Variants in C9 observed in about 807,000 individuals in gnomAD.
The protein encoded by C9 is complement component C9.
In C9, 63 loss-of-function variants were observed where a neutral mutation model predicts 65.4. That is an observed-to-expected ratio of 0.96 (90% CI 0.79 to 1.19). The LOEUF is 1.19. Ranked by LOEUF, C9 falls within the 50% of genes most tolerant of loss-of-function variation. The pLI, the probability that C9 is intolerant of heterozygous loss-of-function variation, is 0.00. For missense variants in C9, 744 were observed against 670.1 expected (o/e 1.11, Z -1.22); for synonymous variants, 229 against 227.9 (o/e 1.00, Z -0.04).
chr5:39,333,107 C>T (rs1397130054), intron 4 of C9, among the ~76,000 whole-genome samples: 1 of 152,036 alleles, frequency 6.6e-6, no homozygotes, highest in Non-Finnish European at 1.5e-5. Context: ...AAAATTAGAC[C>T]TATTAATTTG....
At chr5:39,328,463 G>A (rs553664684) in intron 5 of C9, among the ~76,000 whole-genome samples, 1 of 152,270 alleles carries the variant, frequency 6.6e-6, no homozygotes, top group Admixed American at 6.5e-5. Flanking sequence ...GTTTTTGTGT[G>A]AGCATAATAT....
Position 39,285,190 on chromosome 5 carries a change from C to T in C9, c.*9G>A, listed in dbSNP as rs375344631. 5 of 1,611,876 alleles carry T rather than the reference C, an allele frequency of 3.1e-6. No individual in the cohort carries two copies. Among genetic ancestry groups the T allele is most frequent in the Non-Finnish European group, 4.2e-6 (5 of 1,178,060 alleles). On this transcript the variant is annotated 3_prime_UTR_variant, in exon 11 of 11. Coordinates refer to ENST00000263408, the MANE Select transcript of C9 (RefSeq NM_001737.5). ...CTTCTTCCACTGGAGCTCAGAGAAG[C>T]CAACAGCTCTATTTTTCATTGGGGA... is the stretch of plus-strand genomic sequence containing the variant.
rs571488346 is a variant in C9 at position 39,305,939 on chromosome 5, T to A, written c.1416+678A>T. Among the ~76,000 whole-genome samples the A allele has an allele frequency of 9.7e-4, 147 of 152,132 alleles. 2 individuals carry two copies. Among genetic ancestry groups the A allele is most frequent in the African/African-American group, 3.3e-3 (139 of 41,510 alleles). On this transcript the variant is annotated intron_variant, in intron 9 of 10. Transcript: ENST00000263408. ...ACTTTGGAAGGCTGAGGCAGGCAGATCACTTGAGGCCAGGAGTTTGAGACC... is the reference window on the plus strand; with the variant it reads ...ACTTTGGAAGGCTGAGGCAGGCAGAACACTTGAGGCCAGGAGTTTGAGACC...
intron 10 of C9, among the ~76,000 whole-genome samples, chr5:39,287,143 T>C (rs564801650): frequency 3.3e-5 from 5 of 152,100 alleles, no homozygotes; most frequent in Admixed American, 6.6e-5. Flanking sequence ...CTCTTAGGAT[T>C]AGAAACATGA....
In C9 at chr5:39,311,386, T is replaced by C. The variant is rs2111887534; in HGVS notation, c.871-9A>G. On this transcript the variant is annotated splice_polypyrimidine_tract_variant and intron_variant, in intron 6 of 10. Coordinates refer to ENST00000263408, the MANE Select transcript of C9 (RefSeq NM_001737.5). The stretch of plus-strand genomic sequence containing the variant: ...TGCAGAAACATTTTTTCCTGTGTTG[T>C]AGAGCAGATGAAGAAGAGAAACATG... 2 of 1,610,450 alleles carry C rather than the reference T, an allele frequency of 1.2e-6. No individual in the cohort carries two copies. The highest frequency in any genetic ancestry group is 4.5e-5 in the East Asian group (2 of 44,844).
rs1444808446 is a variant in C9 at position 39,341,293 on chromosome 5, C to T, written c.329G>A (p.Gly110Asp). Residue 110 changes from glycine (G) to aspartate (D), a missense_variant and splice_region_variant, in exon 4 of 11, where the codon GGC becomes GAC. By Grantham distance (94) the Gly-to-Asp change is moderately conservative (BLOSUM62 -1). Coordinates refer to ENST00000263408, the MANE Select transcript of C9 (RefSeq NM_001737.5). The part of the protein sequence containing the change: ...DCGNDFQCST[G>D]RCIKMRLRCN... Reference sequence around the variant, plus strand: ...CCGAAGTCGCATCTTTATGCATCTGCCTGCAATCAAAATCAGGAGAGACTC... The same window carrying T: ...CCGAAGTCGCATCTTTATGCATCTGTCTGCAATCAAAATCAGGAGAGACTC... The T allele has an allele frequency of 5.0e-6, 8 of 1,613,818 alleles. No individual in the cohort carries two copies. The highest frequency in any genetic ancestry group is 6.8e-6 in the Non-Finnish European group (8 of 1,179,870).
At chr5:39,320,755 AT>A (rs1753652581) in intron 5 of C9, among the ~76,000 whole-genome samples, 1 of 152,190 alleles carries the variant, frequency 6.6e-6, no homozygotes, top group Non-Finnish European at 1.5e-5. Flanking sequence ...AAGTCATACA[AT>A]AAGGAGAATT....
At chr5:39,350,218 G>T (rs1754297269) in intron 1 of C9, among the ~76,000 whole-genome samples, 1 of 152,138 alleles carries the variant, frequency 6.6e-6, no homozygotes, top group African/African-American at 2.4e-5. Flanking sequence ...CAGGTCTCAT[G>T]AGAACTCCAT....
At chr5:39,353,280 C>T (rs1479509535) in intron 1 of C9, among the ~76,000 whole-genome samples, 3 of 152,178 alleles carry the variant, frequency 2.0e-5, no homozygotes, top group Non-Finnish European at 4.4e-5. Flanking sequence ...ACTTCTAGAT[C>T]TGTTAAATAA....
intron 1 of C9, among the ~76,000 whole-genome samples, chr5:39,346,725 G>A (rs1313054027): frequency 6.6e-6 from 1 of 152,230 alleles, no homozygotes; most frequent in South Asian, 2.1e-4. Context: ...CAAAAAAAGA[G>A]AATTTTAGAC....
At chr5:39,348,616 T>C (rs1467432434) in intron 1 of C9, among the ~76,000 whole-genome samples, 1 of 152,172 alleles carries the variant, frequency 6.6e-6, no homozygotes, top group African/African-American at 2.4e-5. Context: ...AGTGTGGCGA[T>C]TCCTCAGGGA....
intron 1 of C9, among the ~76,000 whole-genome samples, chr5:39,342,799 A>G (rs1181427672): frequency 6.6e-6 from 1 of 152,092 alleles, no homozygotes; most frequent in South Asian, 2.1e-4. Context: ...TTAACATCAT[A>G]TATTTTGGCA....
rs372012003 is a variant in C9 at position 39,314,215 on chromosome 5, C to T, written c.870+1560G>A. Among the ~76,000 whole-genome samples the T allele has an allele frequency of 3.5e-3, 532 of 152,056 alleles. 5 individuals are homozygous for T. Among genetic ancestry groups the T allele is most frequent in the African/African-American group, 0.013 (520 of 41,452 alleles). ...CTGTAATCCCAGCACTTTGGGAGGCCGAGACGGGTGGATCACCTGAGGTTG... is the reference window on the plus strand; with the variant it reads ...CTGTAATCCCAGCACTTTGGGAGGCTGAGACGGGTGGATCACCTGAGGTTG... On this transcript the variant is annotated intron_variant, in intron 6 of 10. Coordinates refer to ENST00000263408, the MANE Select transcript of C9 (RefSeq NM_001737.5).
At chr5:39,312,466 T>C (rs1309351859) in intron 6 of C9, among the ~76,000 whole-genome samples, 1 of 152,184 alleles carries the variant, frequency 6.6e-6, no homozygotes, top group Non-Finnish European at 1.5e-5. Flanking sequence ...ACTAAAAACC[T>C]AGATCTCAGG....
intron 1 of C9, among the ~76,000 whole-genome samples, chr5:39,350,846 T>G (rs1754309412): frequency 6.6e-6 from 1 of 152,184 alleles, no homozygotes; most frequent in Non-Finnish European, 1.5e-5. Flanking sequence ...ATCTGGGGTC[T>G]GGAGGATGGT....
At chr5:39,327,317 G>T (rs1753764122) in intron 5 of C9, among the ~76,000 whole-genome samples, 1 of 152,192 alleles carries the variant, frequency 6.6e-6, no homozygotes, top group Non-Finnish European at 1.5e-5. Flanking sequence ...TTGAAGTTGA[G>T]AAAAGCTAGA....
intron 9 of C9, among the ~76,000 whole-genome samples, chr5:39,300,890 G>A (rs1753265802): frequency 6.6e-6 from 1 of 151,902 alleles, no homozygotes. Flanking sequence ...TATTTCACTG[G>A]CTAGGACTCA....
chr5:39,323,263 C>T (rs935781380), intron 5 of C9, among the ~76,000 whole-genome samples: 4 of 151,840 alleles, frequency 2.6e-5, no homozygotes, highest in Admixed American at 2.0e-4. Context: ...CCTAGACTTT[C>T]TTAAAATATT....
intron 5 of C9, among the ~76,000 whole-genome samples, chr5:39,328,535 A>G (rs761332183): frequency 1.3e-5 from 2 of 152,240 alleles, no homozygotes; most frequent in Non-Finnish European, 2.9e-5. Flanking sequence ...GGTTCATGCC[A>G]AATCAGAGTT....
Sources: gnomAD v4.1 joint callset for allele counts (sites outside exome capture counted in the v4.1 genomes callset) on GRCh38, gnomAD v4.1.1 for gene constraint, MANE v1.5 for transcripts, NCBI Gene and HGNC (gene_info 2026-07-23, HGNC 2026-07-21) for gene names.